MAL2: variants seen among roughly 807,000 people sequenced by gnomAD.
MAL2 encodes the protein protein MAL2.
In MAL2, 17 loss-of-function variants were observed where a neutral mutation model predicts 18.1. The observed-to-expected ratio is 0.94, with a 90% CI of 0.64 to 1.41. The LOEUF is 1.41. Ranked by LOEUF, MAL2 falls within the 40% of genes most tolerant of loss-of-function variation. The pLI is 0.00. For missense variants in MAL2, 222 were observed against 231.9 expected (o/e 0.96, Z 0.28); for synonymous variants, 102 against 102.3 (o/e 1.00, Z 0.02).
chr8:119,214,859 C>T (rs1817323894), intron 1 of MAL2, among the ~76,000 whole-genome samples: 1 of 152,108 alleles, frequency 6.6e-6, no homozygotes, highest in South Asian at 2.1e-4. Flanking sequence ...TCATTACATC[C>T]CAGAATTTGT....
At chr8:119,237,677 A>T (rs1817937651) in intron 2 of MAL2, among the ~76,000 whole-genome samples, 1 of 151,846 alleles carries the variant, frequency 6.6e-6, no homozygotes, top group Non-Finnish European at 1.5e-5. Context: ...AACAGAGCCA[A>T]AGACAAAAAC....
chr8:119,243,546 A>G lies in MAL2; in HGVS notation c.*58A>G. 1 of 1,421,478 alleles carries G rather than the reference A, an allele frequency of 7.0e-7. No homozygotes were observed. The highest frequency in any genetic ancestry group is 9.5e-7 in the Non-Finnish European group (1 of 1,051,266). 88.1% of individuals were successfully genotyped at this position (1,421,478 alleles called of 1,614,324 possible). A position where few individuals can be genotyped will look rare whatever the true frequency, so the allele number is the denominator to read the frequency against. On this transcript the variant is annotated 3_prime_UTR_variant, in exon 4 of 4. Coordinates refer to ENST00000614891, the MANE Select transcript of MAL2 (RefSeq NM_052886.3). Reference sequence around the variant, plus strand: ...TTCACTTGTCTACTTTATATGTCTGATCAATTTGGATACCATTTTGTCCAG... The same window carrying G: ...TTCACTTGTCTACTTTATATGTCTGGTCAATTTGGATACCATTTTGTCCAG...
In MAL2 at chr8:119,238,844, A is replaced by C. The variant is rs890804812; in HGVS notation, c.304-1321A>C. Among the ~76,000 whole-genome samples, 847 of 151,710 alleles carry C rather than the reference A, an allele frequency of 5.6e-3. 6 individuals carry two copies. Among genetic ancestry groups the C allele is most frequent in the Non-Finnish European group, 9.5e-3 (647 of 67,984 alleles). ...AACCCTAGAAGAAAACCTAGGCATT[A>C]CCATTCAGGACATAGGCATGGGCAA... On this transcript the variant is annotated intron_variant, in intron 2 of 3. Coordinates refer to ENST00000614891, the MANE Select transcript of MAL2 (RefSeq NM_052886.3).
intron 2 of MAL2, among the ~76,000 whole-genome samples, chr8:119,230,644 C>CACCAAATCTCTTTATTTAAAGATAA (rs1283696579): frequency 1.1e-4 from 16 of 152,316 alleles, no homozygotes; most frequent in Middle Eastern, 3.4e-3. Context: ...CAGGTCCTGT[C>CACCAAATCTCTTTATTTAAAGATAA]ACCAAATCTC....
intron 2 of MAL2, among the ~76,000 whole-genome samples, chr8:119,236,649 C>T (rs201014859): frequency 1.1e-4 from 17 of 151,184 alleles, no homozygotes; most frequent in African/African-American, 2.9e-4. Flanking sequence ...CACTCAAAAC[C>T]GCTCAACTAC....
rs1323912021 is a variant in MAL2 at position 119,244,137 on chromosome 8, G to C, written c.*649G>C. 1 of 152,170 alleles carries C rather than the reference G, an allele frequency of 6.6e-6. No individual in the cohort carries two copies. The highest frequency in any genetic ancestry group is 6.6e-5 in the Admixed American group (1 of 15,256). 9.4% of individuals were successfully genotyped at this position (152,170 alleles called of 1,614,324 possible). A position where few individuals can be genotyped will look rare whatever the true frequency, so the allele number is the denominator to read the frequency against. ...GTGGGCCATAGTTTGTCAACCACTG[G>C]TGTAAAACCTTAGTTATATATGATC... On this transcript the variant is annotated 3_prime_UTR_variant, in exon 4 of 4. Coordinates refer to ENST00000614891, the MANE Select transcript of MAL2 (RefSeq NM_052886.3).
chr8:119,217,718 C>T (rs1465744188), intron 1 of MAL2, among the ~76,000 whole-genome samples: 3 of 152,136 alleles, frequency 2.0e-5, no homozygotes, highest in Non-Finnish European at 2.9e-5. Context: ...TCTGCAGTTG[C>T]TACTGTATTT....
chr8:119,213,427 G>C (rs1817295967), intron 1 of MAL2, among the ~76,000 whole-genome samples: 1 of 152,220 alleles, frequency 6.6e-6, no homozygotes, highest in African/African-American at 2.4e-5. Flanking sequence ...GTGTGCAAGA[G>C]GGAGCTGTCC....
intron 2 of MAL2, 70 bp from the exon 3 acceptor site, chr8:119,240,095 T>C (rs1238980424): frequency 6.7e-7 from 1 of 1,493,498 alleles, no homozygotes; most frequent in East Asian, 2.3e-5. Flanking sequence ...AACCTAAACT[T>C]CATTATTTAA....
chr8:119,234,470 G>T (rs1260890071), intron 2 of MAL2, among the ~76,000 whole-genome samples: 1 of 152,200 alleles, frequency 6.6e-6, no homozygotes, highest in Non-Finnish European at 1.5e-5. Flanking sequence ...GCTCAAGAAG[G>T]CCTGCCTGCC....
chr8:119,231,100 T>A (rs780668865), intron 2 of MAL2, among the ~76,000 whole-genome samples: 2 of 152,122 alleles, frequency 1.3e-5, no homozygotes, highest in Non-Finnish European at 2.9e-5. Context: ...GATGCAGTCT[T>A]GGCTCACTGC....
At chr8:119,221,863 G>C in intron 2 of MAL2, 106 bp downstream of exon 2, 1 of 1,214,124 alleles carries the variant, frequency 8.2e-7, no homozygotes, top group Non-Finnish European at 1.1e-6. Flanking sequence ...TAATGGGAGA[G>C]AAGCGGTCCA....
intron 1 of MAL2, among the ~76,000 whole-genome samples, chr8:119,220,777 A>G (rs1333053036): frequency 2.0e-5 from 3 of 152,104 alleles, no homozygotes; most frequent in Non-Finnish European, 2.9e-5. Context: ...AGTATTTTCA[A>G]ATCTGGATTT....
chr8:119,231,649 TACACCATTATTCAAA>T (rs1248505241), intron 2 of MAL2, among the ~76,000 whole-genome samples: 1 of 152,220 alleles, frequency 6.6e-6, no homozygotes, highest in East Asian at 1.9e-4. Context: ...TCATTTTCAA[TACACCATTATTCAAA>T]ACGCCAAGAC....
chr8:119,224,111 C>A (rs1817530570), intron 2 of MAL2: 1 of 152,154 alleles, frequency 6.6e-6, no homozygotes, highest in African/African-American at 2.4e-5. Context: ...TTTACTATTT[C>A]TTCTGGGTTT....
chr8:119,213,159 G>A (rs1817291950), intron 1 of MAL2, among the ~76,000 whole-genome samples: 1 of 152,174 alleles, frequency 6.6e-6, no homozygotes, highest in South Asian at 2.1e-4. Context: ...TTGCCCCAAA[G>A]TGATACCTAG....
At chr8:119,230,442 G>T (rs1025030043) in intron 2 of MAL2, among the ~76,000 whole-genome samples, 1 of 152,114 alleles carries the variant, frequency 6.6e-6, no homozygotes, top group Non-Finnish European at 1.5e-5. Context: ...GCAGGATTGG[G>T]GGGGCGGGAA....
chr8:119,238,082 G>A (rs1423936717), intron 2 of MAL2, among the ~76,000 whole-genome samples: 13 of 152,198 alleles, frequency 8.5e-5, no homozygotes, highest in Non-Finnish European at 1.5e-5. Flanking sequence ...AGCAACTTCA[G>A]CAAAGTCTCA....
At chr8:119,228,417 C>A (rs1817641104) in intron 2 of MAL2, among the ~76,000 whole-genome samples, 1 of 152,142 alleles carries the variant, frequency 6.6e-6, no homozygotes, top group African/African-American at 2.4e-5. Context: ...CTTGCTTTTA[C>A]CCCTAAGTTT....
Sources: allele counts gnomAD v4.1 joint callset (sites outside exome capture counted in the v4.1 genomes callset), GRCh38; gene constraint gnomAD v4.1.1; transcripts MANE v1.5; gene names NCBI Gene and HGNC (gene_info 2026-07-23, HGNC 2026-07-21).